The following C19orf44 variants were observed in gnomAD, a reference collection of about 807,000 sequenced individuals.
C19orf44 encodes the protein uncharacterized protein C19orf44.
A neutral mutation model predicts 50.7 loss-of-function variants in C19orf44; 43 were observed. That is an observed-to-expected ratio of 0.85 (90% CI 0.66 to 1.09). The LOEUF (loss-of-function observed/expected upper bound fraction) is 1.09, where lower values mean the gene tolerates loss of function less well. Among genes scored for constraint, C19orf44 ranks in the 50% least tolerant of loss-of-function variants. C19orf44 has a pLI of 0.00. For missense variants in C19orf44, 722 were observed against 836.2 expected (o/e 0.86, Z 1.68); for synonymous variants, 298 against 334.7 (o/e 0.89, Z 1.20).
At chr19:16,513,213 C>A in intron 6 of C19orf44, 104 bp downstream of exon 6, 2 of 1,124,400 alleles carry the variant, frequency 1.8e-6, no homozygotes, top group South Asian at 1.4e-5. Context: ...TGCATGCTGG[C>A]TTCCAGGGGT....
At chr19:16,513,959 G>T (rs2093464637) in intron 6 of C19orf44, among the ~76,000 whole-genome samples, 1 of 151,874 alleles carries the variant, frequency 6.6e-6, no homozygotes, top group Non-Finnish European at 1.5e-5. Context: ...GGTCCATCTG[G>T]TACCTACTAT....
At position 16,501,319 on chromosome 19, in the gene C19orf44, A is replaced by G. The variant is rs1222671726; in HGVS notation, c.527A>G (p.Lys176Arg). The stretch of plus-strand genomic sequence containing the variant: ...GCGAAGGTCAGTAGGTTTCTAAAGA[A>G]GAAACAAGCACCTGTTGAAAACATA... ...QNAKVSRFLK[K>R]KQAPVENISP... The change falls in exon 2 of 9, where the codon AAG becomes AGG. Residue 176 changes from lysine to arginine, a missense_variant. Lys to Arg is a conservative substitution (Grantham distance 26). Transcript: ENST00000221671. 4 of 1,614,250 alleles carry G rather than the reference A, an allele frequency of 2.5e-6. No homozygotes were observed.
intron 1 of C19orf44, among the ~76,000 whole-genome samples, chr19:16,498,291 T>C (rs189604346): frequency 1.3e-5 from 2 of 152,238 alleles, no homozygotes; most frequent in Admixed American, 1.3e-4. Context: ...CCAATTTCTT[T>C]ATTTTTTTTA....
At chr19:16,506,824 A>AT (rs749078832) in intron 4 of C19orf44, 50 bp downstream of exon 4, 3,939 of 1,209,684 alleles carry the variant, frequency 3.3e-3, no homozygotes, top group East Asian at 3.8e-3. Context: ...TGGCTTCAAC[A>AT]TTTTTTTTTT....
chr19:16,514,433 G>C lies in C19orf44; in HGVS notation c.1736-64G>C, dbSNP rs34707669. ...AGAGCAGCCTGGCACCTGAGCGGTGGGGGGGGGGCTGCAGAATTTGTGGGG... is the reference window on the plus strand; with the variant it reads ...AGAGCAGCCTGGCACCTGAGCGGTGCGGGGGGGGCTGCAGAATTTGTGGGG... On this transcript the variant is annotated intron_variant, in intron 6 of 8. Coordinates refer to ENST00000221671, the MANE Select transcript of C19orf44 (RefSeq NM_032207.4). The C allele has an allele frequency of 2.6e-3, 3,752 of 1,452,684 alleles. 89 individuals are homozygous for C. In the African/African-American group the frequency reaches 0.047, roughly 18 times the overall value. 90.0% of individuals were successfully genotyped at this position (1,452,684 alleles called of 1,614,324 possible). A position where few individuals can be genotyped will look rare whatever the true frequency, so the allele number is the denominator to read the frequency against.
At chr19:16,500,139 G>T (rs2093420878) in intron 1 of C19orf44, among the ~76,000 whole-genome samples, 1 of 152,050 alleles carries the variant, frequency 6.6e-6, no homozygotes, top group African/African-American at 2.4e-5. Flanking sequence ...ATGTTGGCCA[G>T]GCTGGTCTCG....
Position 16,509,591 on chromosome 19 carries a change from G to A in C19orf44, c.1242G>A (p.Arg414=). ...GQDAPRQAQA[R]SWASQGKAAS... ...ATGCCCCGAGGCAGGCCCAGGCGAGGAGCTGGGCATCACAGGGAAAGGCCG... is the reference window on the plus strand; with the variant it reads ...ATGCCCCGAGGCAGGCCCAGGCGAGAAGCTGGGCATCACAGGGAAAGGCCG... Residue 414 remains arginine (R), a synonymous_variant, in exon 5 of 9, where the codon AGG becomes AGA. Coordinates refer to ENST00000221671, the MANE Select transcript of C19orf44 (RefSeq NM_032207.4). The A allele has an allele frequency of 1.2e-6, 2 of 1,614,148 alleles. No homozygotes were observed. The highest frequency in any genetic ancestry group is 1.7e-6 in the Non-Finnish European group (2 of 1,179,984).
At chr19:16,517,377 A>G (rs2085548264) in intron 8 of C19orf44, 36 bp downstream of exon 8, 1 of 1,426,258 alleles carries the variant, frequency 7.0e-7, no homozygotes, top group South Asian at 1.2e-5. Flanking sequence ...ACACACACGC[A>G]CACAAACATA....
intron 4 of C19orf44, 121 bp from the exon 5 acceptor site, chr19:16,509,378 C>A: frequency 4.5e-6 from 6 of 1,325,134 alleles, no homozygotes; most frequent in Non-Finnish European, 6.2e-6. Context: ...CTAATGAGGA[C>A]CTGGTGTGTC....
intron 5 of C19orf44, among the ~76,000 whole-genome samples, chr19:16,510,862 G>C (rs2093455213): frequency 6.6e-6 from 1 of 152,010 alleles, no homozygotes; most frequent in Non-Finnish European, 1.5e-5. Context: ...TCAGCCTCCT[G>C]AGTAGTAGGA....
chr19:16,518,870 C>T lies in C19orf44; in HGVS notation c.*41-1224C>T, dbSNP rs114767194. 743 of 423,244 alleles carry T rather than the reference C, an allele frequency of 1.8e-3. 2 individuals carry two copies. Among genetic ancestry groups the T allele is most frequent in the African/African-American group, 0.014 (659 of 48,332 alleles). 26.2% of individuals were successfully genotyped at this position (423,244 alleles called of 1,614,324 possible). On this transcript the variant is annotated intron_variant, in intron 8 of 8. Coordinates refer to ENST00000221671, the MANE Select transcript of C19orf44 (RefSeq NM_032207.4). ...TCCCTTCGTGGCTGAAGAATTTACT[C>T]GGGCGGAGGGTCTTGTGTTTTTTGC...
chr19:16,515,115 G>T (rs2093468103), intron 7 of C19orf44, among the ~76,000 whole-genome samples: 1 of 152,156 alleles, frequency 6.6e-6, no homozygotes, highest in Non-Finnish European at 1.5e-5. Flanking sequence ...CACACCTGGT[G>T]CTTTGGGAGG....
At chr19:16,499,595 A>T (rs2093419266) in intron 1 of C19orf44, 1 of 151,976 alleles carries the variant, frequency 6.6e-6, no homozygotes, top group African/African-American at 2.4e-5. Context: ...CATCTTTTAA[A>T]GTCTTTGTAA....
intron 4 of C19orf44, among the ~76,000 whole-genome samples, chr19:16,508,824 A>G (rs1027417563): frequency 1.3e-5 from 2 of 150,862 alleles, no homozygotes; most frequent in Non-Finnish European, 3.0e-5. Flanking sequence ...TCCATGATGA[A>G]ATGTTTTTTT....
chr19:16,519,499 G>T lies in C19orf44; in HGVS notation c.*41-595G>T, dbSNP rs2085586628. The stretch of plus-strand genomic sequence containing the variant: ...CGGCCCTGTCTAGAGGGTCTGGGTG[G>T]AGTCAGAACCGGCCTGACTCCATCC... On this transcript the variant is annotated intron_variant, in intron 8 of 8. Coordinates refer to ENST00000221671, the MANE Select transcript of C19orf44 (RefSeq NM_032207.4). The surrounding 1 kb of genome is among the most constrained non-coding windows in gnomAD (Gnocchi z 6.0). 4.0e-6 allele frequency: 5 copies of T among 1,248,926 alleles called. 1 individual carries two copies. The East Asian group carries it at 1.2e-4, about 29-fold the overall frequency. The allele number at this position is 1,248,926 out of a possible 1,614,324, so 77.4% of individuals were successfully genotyped here.
At chr19:16,499,396 C>T (rs1167849759) in intron 1 of C19orf44, 1 of 151,718 alleles carries the variant, frequency 6.6e-6, no homozygotes, top group Non-Finnish European at 1.5e-5. Context: ...ATGCCATTCT[C>T]CTGCCTCAGC....
At chr19:16,505,770 A>G (rs2093438835) in intron 3 of C19orf44, among the ~76,000 whole-genome samples, 3 of 151,174 alleles carry the variant, frequency 2.0e-5, no homozygotes, top group Admixed American at 2.0e-4. Flanking sequence ...GCAACCTCCA[A>G]CTCCGGGTTC....
intron 7 of C19orf44, among the ~76,000 whole-genome samples, chr19:16,516,003 G>T (rs904201376): frequency 2.0e-5 from 3 of 152,136 alleles, no homozygotes; most frequent in African/African-American, 7.2e-5. Context: ...TCTCCATGTT[G>T]GTCAGGCTGG....
intron 4 of C19orf44, among the ~76,000 whole-genome samples, chr19:16,507,952 C>T (rs1009400584): frequency 4.6e-5 from 7 of 151,938 alleles, no homozygotes; most frequent in Admixed American, 1.3e-4. Context: ...TATAGGCGCC[C>T]ACCACCAGGC....
Sources: allele counts gnomAD v4.1 joint callset (sites outside exome capture counted in the v4.1 genomes callset), GRCh38; gene constraint gnomAD v4.1.1; non-coding constraint Gnocchi (gnomAD v3.1); transcripts MANE v1.5; gene names NCBI Gene and HGNC (gene_info 2026-07-23, HGNC 2026-07-21).